ORC3: variants seen among roughly 807,000 people sequenced by gnomAD.
ORC3 encodes the protein homolog of latheo, Drosophila.
ORC3 carries 78 observed loss-of-function variants against 100.7 expected under a neutral mutation model. The ratio of observed to expected loss-of-function variants is 0.77; its 90% CI spans 0.65 to 0.94. The LOEUF is 0.94. ORC3 is among the 40% of genes least tolerant of loss of function. The probability of loss-of-function intolerance (pLI) is 0.00; values close to 1 mark genes in which losing one functional copy is unlikely to be tolerated. For missense variants in ORC3, 789 were observed against 823.9 expected, an observed-to-expected ratio of 0.96 and a Z score of 0.52; for synonymous variants, 295 against 289.3, an observed-to-expected ratio of 1.02 and a Z score of -0.20.
chr6:87,661,396 GT>G (rs1203112832), intron 16 of ORC3, among the ~76,000 whole-genome samples: 1 of 152,208 alleles, frequency 6.6e-6, no homozygotes, highest in Admixed American at 6.5e-5. Flanking sequence ...AGTAAGTTTT[GT>G]TCCAGTTGAC....
At chr6:87,617,653 G>A (rs1779253459) in intron 9 of ORC3, among the ~76,000 whole-genome samples, 1 of 152,090 alleles carries the variant, frequency 6.6e-6, no homozygotes, top group Non-Finnish European at 1.5e-5. Flanking sequence ...AGAATCACAT[G>A]AGCCTGGGAA....
intron 13 of ORC3, among the ~76,000 whole-genome samples, chr6:87,644,079 CTTTTTTTTTTTT>C (rs1156943778): frequency 2.9e-4 from 15 of 51,426 alleles, no homozygotes; most frequent in African/African-American, 9.5e-4. Context: ...GCTGACTGTC[CTTTTTTTTTTTT>C]TTTTTTTTTT....
At chr6:87,613,129 A>G (rs1001566775) in intron 8 of ORC3, among the ~76,000 whole-genome samples, 4 of 152,184 alleles carry the variant, frequency 2.6e-5, no homozygotes, top group Admixed American at 1.3e-4. Flanking sequence ...AGACTGGGCA[A>G]TTTACAAAAG....
chr6:87,630,956 G>C (rs551276448), intron 11 of ORC3, among the ~76,000 whole-genome samples: 1 of 151,754 alleles, frequency 6.6e-6, no homozygotes, highest in African/African-American at 2.4e-5. Context: ...CTGCAGCCTT[G>C]ACTTTCTGGG....
chr6:87,657,594 T>A (rs1481557561), intron 15 of ORC3, among the ~76,000 whole-genome samples: 1 of 152,228 alleles, frequency 6.6e-6, no homozygotes, highest in Admixed American at 6.5e-5. Flanking sequence ...AAGATTTTTT[T>A]CTTTATCCTG....
the ORC3 span, among the ~76,000 whole-genome samples, chr6:87,676,938 A>C: frequency 1.3e-5 from 2 of 151,834 alleles, no homozygotes; most frequent in Admixed American, 6.6e-5. Flanking sequence ...TTAGCCGGGC[A>C]TGGTGGTAGG....
chr6:87,673,623 A>G, the ORC3 span, among the ~76,000 whole-genome samples: 1 of 151,904 alleles, frequency 6.6e-6, no homozygotes, highest in Non-Finnish European at 1.5e-5. Flanking sequence ...CAGGCAGATC[A>G]TGAGGTCAAG....
intron 9 of ORC3, among the ~76,000 whole-genome samples, chr6:87,620,398 G>A (rs1346181307): frequency 6.6e-6 from 1 of 152,342 alleles, no homozygotes; most frequent in East Asian, 1.9e-4. Context: ...CAGCCTTAGA[G>A]AATGGACTAT....
intron 9 of ORC3, among the ~76,000 whole-genome samples, chr6:87,617,701 T>C (rs1416708620): frequency 2.0e-5 from 3 of 152,206 alleles, no homozygotes; most frequent in Admixed American, 2.0e-4. Context: ...GTCACTGCAC[T>C]CTAGCCTGGG....
intron 2 of ORC3, among the ~76,000 whole-genome samples, chr6:87,599,431 A>G (rs1190265887): frequency 6.6e-6 from 1 of 151,538 alleles, no homozygotes; most frequent in Non-Finnish European, 1.5e-5. Context: ...GTAGTGGCAC[A>G]ATTTCAGCTC....
At chr6:87,632,212 G>A (rs1767478680) in intron 11 of ORC3, among the ~76,000 whole-genome samples, 2 of 152,188 alleles carry the variant, frequency 1.3e-5, no homozygotes, top group African/African-American at 2.4e-5. Flanking sequence ...AGTAAAGGCA[G>A]ATACATATGT....
At chr6:87,675,376 C>G in the ORC3 span, 1 of 563,996 alleles carries the variant, frequency 1.8e-6, no homozygotes, top group Non-Finnish European at 3.2e-6. Context: ...AATGAGGCCA[C>G]TGGTATTAAT....
chr6:87,613,277 T>A (rs916035574), intron 8 of ORC3, among the ~76,000 whole-genome samples: 1 of 152,064 alleles, frequency 6.6e-6, no homozygotes, highest in Non-Finnish European at 1.5e-5. Flanking sequence ...GAACTCCTCT[T>A]TATAAAACCA....
At chr6:87,643,453 A>G (rs1163131259) in intron 13 of ORC3, among the ~76,000 whole-genome samples, 1 of 151,970 alleles carries the variant, frequency 6.6e-6, no homozygotes, top group Non-Finnish European at 1.5e-5. Context: ...TTTGAGGAAA[A>G]CAATGAAGCC....
intron 13 of ORC3, among the ~76,000 whole-genome samples, chr6:87,644,960 A>G (rs1019857377): frequency 1.3e-5 from 2 of 152,216 alleles, no homozygotes; most frequent in African/African-American, 2.4e-5. Context: ...ACAAAAAAGC[A>G]TGGCATCCCA....
At chr6:87,610,591 G>C (rs1264847406) in intron 7 of ORC3, among the ~76,000 whole-genome samples, 3 of 132,748 alleles carry the variant, frequency 2.3e-5, no homozygotes, top group Non-Finnish European at 4.9e-5. Flanking sequence ...CTGTCGCCCA[G>C]GTCGGACTGC....
intron 9 of ORC3, among the ~76,000 whole-genome samples, chr6:87,619,147 G>A (rs1001806628): frequency 1.3e-5 from 2 of 152,132 alleles, no homozygotes; most frequent in Non-Finnish European, 2.9e-5. Flanking sequence ...TAGAAAAGGA[G>A]ACTAAAAACA....
intron 8 of ORC3, 57 bp from the exon 9 acceptor site, chr6:87,616,255 ATT>A: frequency 1.5e-6 from 1 of 650,808 alleles, no homozygotes; most frequent in Non-Finnish European, 2.8e-6. Context: ...AATACTTAGT[ATT>A]TATGAAGAGT....
chr6:87,635,195 A>G (rs1338085611), intron 12 of ORC3, among the ~76,000 whole-genome samples: 8 of 152,040 alleles, frequency 5.3e-5, no homozygotes, highest in African/African-American at 1.2e-4. Flanking sequence ...CTTCCCCTAC[A>G]ATGTTTTTGT....
Sources: allele counts gnomAD v4.1 joint callset (sites outside exome capture counted in the v4.1 genomes callset), GRCh38; gene constraint gnomAD v4.1.1; transcripts MANE v1.5; gene names NCBI Gene and HGNC (gene_info 2026-07-23, HGNC 2026-07-21).